Variants in ACTR2 observed in about 807,000 individuals in gnomAD.
ACTR2 encodes the protein actin-related protein 2.
Under a neutral mutation model 50.2 loss-of-function variants are expected in ACTR2, and 5 were observed. That is an observed-to-expected ratio of 0.10 (90% CI 0.05 to 0.21). ACTR2 has a LOEUF of 0.21. Among genes scored for constraint, ACTR2 ranks in the 10% least tolerant of loss-of-function variants. The pLI is 1.00. For missense variants in ACTR2, 180 were observed against 480.6 expected (o/e 0.37, Z 5.85); for synonymous variants, 140 against 162.9 (o/e 0.86, Z 1.07).
At chr2:65,246,013 G>A (rs1671931089) in intron 2 of ACTR2, among the ~76,000 whole-genome samples, 1 of 152,166 alleles carries the variant, frequency 6.6e-6, no homozygotes, top group African/African-American at 2.4e-5. Context: ...GTTGGTGTAT[G>A]TATGCATTAT....
chr2:65,264,593 A>G (rs150263165), intron 7 of ACTR2, among the ~76,000 whole-genome samples: 118 of 152,342 alleles, frequency 7.7e-4, no homozygotes, highest in African/African-American at 2.7e-3. Flanking sequence ...TCTAGCCAAA[A>G]ATAACAGCAG....
In ACTR2 at chr2:65,268,827, G is replaced by C; in HGVS notation, c.*93G>C. On this transcript the variant is annotated 3_prime_UTR_variant, in exon 9 of 9. Transcript: ENST00000260641. ...CATTCAACTCCAGGACATGGAAGAG[G>C]CCTCTCTCTGCCCTTTGACTGGAAA... The C allele has an allele frequency of 7.7e-7, 1 of 1,306,876 alleles. No individual in the cohort carries two copies. Among genetic ancestry groups the C allele is most frequent in the Non-Finnish European group, 1.1e-6 (1 of 943,794 alleles). The allele number at this position is 1,306,876 out of a possible 1,614,324, so 81.0% of individuals were successfully genotyped here. A position where few individuals can be genotyped will look rare whatever the true frequency, so the allele number is the denominator to read the frequency against.
chr2:65,236,457 A>G (rs1671740895), intron 1 of ACTR2, among the ~76,000 whole-genome samples: 1 of 152,138 alleles, frequency 6.6e-6, no homozygotes, highest in Admixed American at 6.5e-5. Flanking sequence ...TGAAAATACC[A>G]AATTTTTATG....
At chr2:65,228,167 C>T (rs7566950) in intron 1 of ACTR2, 124,674 of 429,946 alleles carry the variant, frequency 0.29, 20,463 homozygotes, top group African/African-American at 0.48. Context: ...GCCACCCCCT[C>T]ACCCTTCCGG....
rs73936441 is a variant in ACTR2 at position 65,240,572 on chromosome 2, T to C, written c.159+610T>C. The stretch of plus-strand genomic sequence containing the variant: ...CATTGCCTACTCGCTGTATTTAAGA[T>C]GAAAGACTACATGAAAAGACGATCG... On this transcript the variant is annotated intron_variant, in intron 2 of 8. Coordinates refer to ENST00000260641, the MANE Select transcript of ACTR2 (RefSeq NM_005722.4). Among the ~76,000 whole-genome samples the C allele has an allele frequency of 6.6e-3, 999 of 152,278 alleles. 16 individuals carry two copies. The highest frequency in any genetic ancestry group is 0.023 in the African/African-American group (965 of 41,566).
At chr2:65,260,717 G>A (rs939357335) in intron 6 of ACTR2, among the ~76,000 whole-genome samples, 2 of 151,456 alleles carry the variant, frequency 1.3e-5, no homozygotes, top group African/African-American at 4.9e-5. Flanking sequence ...GATATTTGGG[G>A]GCGTGGCATA....
At chr2:65,261,115 A>G (rs1672261143) in intron 6 of ACTR2, 132 bp from the exon 7 acceptor site, 1 of 835,428 alleles carries the variant, frequency 1.2e-6, no homozygotes, top group Non-Finnish European at 1.8e-6. Flanking sequence ...CCCCAAATAT[A>G]TTTTAGGAAA....
chr2:65,239,812 C>G, intron 1 of ACTR2, 40 bp from the exon 2 acceptor site: 1 of 1,179,476 alleles, frequency 8.5e-7, no homozygotes, highest in African/African-American at 1.5e-5. Flanking sequence ...TAGTAAATAT[C>G]CTGATGCTAA....
Position 65,251,071 on chromosome 2 carries a change from C to T in ACTR2, c.420C>T (p.Ile140=), listed in dbSNP as rs1303292239. 23 of 1,608,574 alleles carry T rather than the reference C, an allele frequency of 1.4e-5. No individual in the cohort carries two copies. Among genetic ancestry groups the T allele is most frequent in the Non-Finnish European group, 1.8e-5 (21 of 1,177,528 alleles). ...AGTTTTCCGGTGTATATGTAGCCAT[C>T]CAGGCAGTTCTGACTTTGTACGCTC... ...TYQFSGVYVA[I]QAVLTLYAQG... is the part of the protein sequence containing the mutation. Residue 140 remains isoleucine, a synonymous_variant, in exon 4 of 9, where the codon ATC becomes ATT. Transcript: ENST00000260641.
intron 3 of ACTR2, among the ~76,000 whole-genome samples, chr2:65,247,312 G>A (rs1271128477): frequency 6.6e-6 from 1 of 152,154 alleles, no homozygotes; most frequent in African/African-American, 2.4e-5. Context: ...ATCATGGCCG[G>A]GCGCGGTGGC....
intron 1 of ACTR2, among the ~76,000 whole-genome samples, chr2:65,232,334 A>G (rs1172103659): frequency 1.3e-5 from 2 of 152,272 alleles, no homozygotes; most frequent in Admixed American, 6.5e-5. Context: ...AGTCGTACAG[A>G]GAAGCTTATA....
intron 1 of ACTR2, among the ~76,000 whole-genome samples, chr2:65,229,709 T>TGG (rs1387719060): frequency 7.7e-6 from 1 of 130,192 alleles, no homozygotes; most frequent in Non-Finnish European, 1.5e-5. Context: ...TGAGCCGAGA[T>TGG]CGCACCACTC....
rs79796554 is a variant in ACTR2 at position 65,234,377 on chromosome 2, A to G, written c.49-5475A>G. ...TCCAATAAACTACTGCTCAAGCAGA[A>G]TAGTTTTATTAATAAGTGATTGATA... On this transcript the variant is annotated intron_variant, in intron 1 of 8. Transcript: ENST00000260641. Among the ~76,000 whole-genome samples, 1,011 of 152,350 alleles carry G rather than the reference A, an allele frequency of 6.6e-3. 2 individuals carry two copies. The highest frequency in any genetic ancestry group is 9.8e-3 in the Non-Finnish European group (668 of 68,036).
At position 65,264,989 on chromosome 2, in the gene ACTR2, G is replaced by A. The variant is rs565317179; in HGVS notation, c.882-54G>A. 2.2e-5 allele frequency: 35 copies of A among 1,603,352 alleles called. No homozygotes were observed. The African/African-American group carries it at 4.0e-4, about 18-fold the overall frequency. On this transcript the variant is annotated intron_variant, in intron 7 of 8. Transcript: ENST00000260641. The stretch of plus-strand genomic sequence containing the variant: ...CTGACATAAGTAACAGTAACCCTGA[G>A]ATACCATTTTCCTAACCTAAAACTC...
At chr2:65,228,013 C>A in intron 1 of ACTR2, 56 bp downstream of exon 1, 1 of 1,459,874 alleles carries the variant, frequency 6.8e-7, no homozygotes, top group South Asian at 1.3e-5. Context: ...GGACGAGCAG[C>A]TGGCGCACGG....
At chr2:65,236,552 T>A (rs1236330472) in intron 1 of ACTR2, among the ~76,000 whole-genome samples, 1 of 151,880 alleles carries the variant, frequency 6.6e-6, no homozygotes, top group Non-Finnish European at 1.5e-5. Flanking sequence ...CTTTTGTTGT[T>A]GGTTTTTTGT....
At position 65,253,864 on chromosome 2, in the gene ACTR2, G is replaced by A. The variant is rs1238658009; in HGVS notation, c.585G>A (p.Lys195=). The part of the protein sequence containing the change: ...AGRDITRYLI[K]LLLLRGYAFN... ...GGGATATAACTAGATATCTTATCAAGGTAAGTGAAAGGAAAATATCATGGA... is the reference window on the plus strand; with the variant it reads ...GGGATATAACTAGATATCTTATCAAAGTAAGTGAAAGGAAAATATCATGGA... The change falls in exon 5 of 9, where the codon AAG becomes AAA. Residue 195 remains lysine, a splice_region_variant and synonymous_variant. Transcript: ENST00000260641. The A allele has an allele frequency of 1.9e-6, 3 of 1,608,240 alleles. No individual in the cohort carries two copies. Among genetic ancestry groups the A allele is most frequent in the Non-Finnish European group, 2.6e-6 (3 of 1,175,980 alleles).
chr2:65,268,750 C>G lies in ACTR2; in HGVS notation c.*16C>G. 6.2e-7 allele frequency: 1 copy of G among 1,607,854 alleles called. No homozygotes were observed. The highest frequency in any genetic ancestry group is 8.5e-7 in the Non-Finnish European group (1 of 1,176,764). On this transcript the variant is annotated 3_prime_UTR_variant, in exon 9 of 9. Transcript: ENST00000260641. Reference sequence around the variant, plus strand: ...TGTTCGATAAACTCCAAAGCTTGTTCCCGTCATACCCGTAATGCTTTCTTT... The same window carrying G: ...TGTTCGATAAACTCCAAAGCTTGTTGCCGTCATACCCGTAATGCTTTCTTT...
chr2:65,260,876 G>A (rs550263463), intron 6 of ACTR2, among the ~76,000 whole-genome samples: 1 of 151,548 alleles, frequency 6.6e-6, no homozygotes, highest in Non-Finnish European at 1.5e-5. Flanking sequence ...GACTATAGGC[G>A]CCCGCCACCA....
Sources: allele counts gnomAD v4.1 joint callset (sites outside exome capture counted in the v4.1 genomes callset), GRCh38; gene constraint gnomAD v4.1.1; transcripts MANE v1.5; gene names NCBI Gene and HGNC (gene_info 2026-07-23, HGNC 2026-07-21).